The following MCTP1 variants were observed in gnomAD, a reference collection of about 807,000 sequenced individuals.
The protein encoded by MCTP1 is multiple C2 and transmembrane domain containing 1.
A neutral mutation model predicts 120.6 loss-of-function variants in MCTP1; 69 were observed. The observed-to-expected ratio is 0.57, with a 90% confidence interval of 0.47 to 0.70. The LOEUF (loss-of-function observed/expected upper bound fraction) is 0.70. MCTP1 is among the 30% of genes least tolerant of loss of function. The pLI, the probability that MCTP1 is intolerant of heterozygous loss-of-function variation, is 0.00. For synonymous variants in MCTP1, 529 were observed against 493.1 expected (o/e 1.07, Z -0.96); for missense variants, 1,203 against 1,248.8 (o/e 0.96, Z 0.55).
At chr5:94,827,557 T>C (rs915990876) in intron 17 of MCTP1, among the ~76,000 whole-genome samples, 2 of 152,190 alleles carry the variant, frequency 1.3e-5, no homozygotes, top group African/African-American at 4.8e-5. Flanking sequence ...TCCCGAAGTG[T>C]ATTTTCCAAC....
chr5:95,220,296 T>C (rs1753536419), intron 1 of MCTP1, among the ~76,000 whole-genome samples: 1 of 151,796 alleles, frequency 6.6e-6, no homozygotes. Flanking sequence ...ATAAAATCTG[T>C]ACATTAAGTC....
intron 1 of MCTP1, among the ~76,000 whole-genome samples, chr5:95,281,508 G>C (rs1375378895): frequency 1.3e-5 from 2 of 152,184 alleles, no homozygotes; most frequent in Non-Finnish European, 2.9e-5. Flanking sequence ...CAGAGAACAA[G>C]GCCCCATGAG....
At chr5:94,736,511 T>C (rs529627273) in intron 19 of MCTP1, among the ~76,000 whole-genome samples, 1 of 152,256 alleles carries the variant, frequency 6.6e-6, no homozygotes, top group African/African-American at 2.4e-5. Flanking sequence ...GGGGGATCCT[T>C]TTGTGATATG....
chr5:95,265,146 G>A (rs1375310933), intron 1 of MCTP1, among the ~76,000 whole-genome samples: 1 of 152,134 alleles, frequency 6.6e-6, no homozygotes, highest in African/African-American at 2.4e-5. Context: ...GAACTACTGT[G>A]TGCCTTTTTA....
Position 95,107,024 on chromosome 5 carries a change from G to A in MCTP1, c.721-89540C>T, listed in dbSNP as rs78811107. ...CACAATAATAAATACTTTATTCAAA[G>A]CCTACTGTACTGAAAATAACAATGT... On this transcript the variant is annotated intron_variant, in intron 1 of 22. Coordinates refer to ENST00000515393, the MANE Select transcript of MCTP1 (RefSeq NM_024717.7). Among the ~76,000 whole-genome samples, 691 of 152,200 alleles carry A rather than the reference G, an allele frequency of 4.5e-3. 3 individuals carry two copies. Among genetic ancestry groups the A allele is most frequent in the African/African-American group, 0.015 (639 of 41,530 alleles).
At chr5:94,965,788 G>A (rs1338088962) in intron 2 of MCTP1, among the ~76,000 whole-genome samples, 1 of 152,146 alleles carries the variant, frequency 6.6e-6, no homozygotes, top group Admixed American at 6.5e-5. Flanking sequence ...AGGCCATGAG[G>A]ACTCTATCAC....
intron 17 of MCTP1, among the ~76,000 whole-genome samples, chr5:94,820,070 C>T (rs1362272899): frequency 1.3e-5 from 2 of 152,126 alleles, no homozygotes; most frequent in Admixed American, 1.3e-4. Context: ...TTAACTTGTA[C>T]CTTGATGACT....
chr5:95,101,536 G>T (rs1756732633), intron 1 of MCTP1, among the ~76,000 whole-genome samples: 1 of 152,204 alleles, frequency 6.6e-6, no homozygotes, highest in Non-Finnish European at 1.5e-5. Flanking sequence ...AAGTGTGAGT[G>T]ATTCACTGCC....
intron 1 of MCTP1, among the ~76,000 whole-genome samples, chr5:95,211,382 T>C (rs1752352435): frequency 6.6e-6 from 1 of 152,202 alleles, no homozygotes; most frequent in African/African-American, 2.4e-5. Flanking sequence ...TTCTTTTTAC[T>C]CTTTTTTCTC....
intron 1 of MCTP1, among the ~76,000 whole-genome samples, chr5:95,276,020 C>G (rs574545610): frequency 6.6e-4 from 101 of 152,222 alleles, no homozygotes; most frequent in Non-Finnish European, 1.3e-3. Flanking sequence ...CTGCTCTAGT[C>G]TAGTCCTCCA....
chr5:94,906,172 CTA>C (rs753502270), intron 10 of MCTP1, among the ~76,000 whole-genome samples: 1 of 151,958 alleles, frequency 6.6e-6, no homozygotes, highest in Non-Finnish European at 1.5e-5. Flanking sequence ...AAATGCCTGA[CTA>C]TATTAGTTCA....
At chr5:94,962,460 G>A (rs1427658859) in intron 2 of MCTP1, among the ~76,000 whole-genome samples, 1 of 149,670 alleles carries the variant, frequency 6.7e-6, no homozygotes, top group Admixed American at 6.7e-5. Context: ...TGTATATATT[G>A]TATTTATATA....
At chr5:94,962,240 T>C (rs1323209273) in intron 2 of MCTP1, among the ~76,000 whole-genome samples, 2 of 152,072 alleles carry the variant, frequency 1.3e-5, no homozygotes, top group African/African-American at 4.8e-5. Context: ...GTGTGGAGAT[T>C]CCTTAAAGAA....
At position 94,704,707 on chromosome 5, in the gene MCTP1, T is replaced by C. The variant is rs2152506770; in HGVS notation, c.*2789A>G. ...GTCTATAACAGGGTCATACAGTTGG[T>C]ATTCGATAAATATATCACAGAGTCC... On this transcript the variant is annotated 3_prime_UTR_variant, in exon 23 of 23. Coordinates refer to ENST00000515393, the MANE Select transcript of MCTP1 (RefSeq NM_024717.7). 1 of 151,292 alleles carries C rather than the reference T, an allele frequency of 6.6e-6. No individual in the cohort carries two copies. The highest frequency in any genetic ancestry group is 2.0e-4 in the East Asian group (1 of 5,010). The allele number at this position is 151,292 out of a possible 1,614,324, so 9.4% of individuals were successfully genotyped here.
chr5:95,115,448 G>T (rs1469361786), intron 1 of MCTP1, among the ~76,000 whole-genome samples: 2 of 151,048 alleles, frequency 1.3e-5, no homozygotes. Context: ...TAATTTAAAA[G>T]AATCAAGCAG....
chr5:94,773,699 A>C (rs1418819700), intron 19 of MCTP1, among the ~76,000 whole-genome samples: 1 of 152,208 alleles, frequency 6.6e-6, no homozygotes, highest in Non-Finnish European at 1.5e-5. Flanking sequence ...ATAAAGTCAC[A>C]TCTTACATGG....
intron 2 of MCTP1, among the ~76,000 whole-genome samples, chr5:94,984,388 G>A (rs1304570577): frequency 6.6e-6 from 1 of 152,158 alleles, no homozygotes; most frequent in Non-Finnish European, 1.5e-5. Flanking sequence ...CTGTTTGCAG[G>A]AACAAATGAA....
At chr5:95,125,041 A>G (rs1337606571) in intron 1 of MCTP1, among the ~76,000 whole-genome samples, 3 of 152,228 alleles carry the variant, frequency 2.0e-5, no homozygotes, top group African/African-American at 7.2e-5. Flanking sequence ...TTTGATACTT[A>G]AACAGCAAAA....
At chr5:95,114,487 C>T (rs898757484) in intron 1 of MCTP1, among the ~76,000 whole-genome samples, 1 of 152,244 alleles carries the variant, frequency 6.6e-6, no homozygotes, top group South Asian at 2.1e-4. Context: ...AGCCCTCAGG[C>T]CTTAAGAGAG....
Sources: allele counts gnomAD v4.1 joint callset (sites outside exome capture counted in the v4.1 genomes callset), GRCh38; gene constraint gnomAD v4.1.1; transcripts MANE v1.5; gene names NCBI Gene and HGNC (gene_info 2026-07-23, HGNC 2026-07-21).